Variants in CHST11 observed in about 807,000 individuals in gnomAD.
CHST11 encodes the protein C4S-1.
Under a neutral mutation model 30.4 loss-of-function variants are expected in CHST11, and 9 were observed. The ratio of observed to expected loss-of-function variants is 0.30; its 90% CI spans 0.18 to 0.52. CHST11 has a LOEUF of 0.52. Ranked by LOEUF, CHST11 falls within the 20% of genes least tolerant of loss-of-function variation. CHST11 has a pLI of 0.97. For synonymous variants in CHST11, 152 were observed against 187.8 expected (o/e 0.81, Z 1.56); for missense variants, 348 against 460.6 (o/e 0.76, Z 2.24).
intron 1 of CHST11, among the ~76,000 whole-genome samples, chr12:104,589,546 GT>G (rs1382670854): frequency 3.3e-5 from 5 of 152,196 alleles, no homozygotes; most frequent in Non-Finnish European, 5.9e-5. Context: ...GAATGTGAAT[GT>G]ACTTAATGCC....
intron 1 of CHST11, among the ~76,000 whole-genome samples, chr12:104,558,414 T>G (rs552330924): frequency 6.6e-6 from 1 of 152,190 alleles, no homozygotes; most frequent in Non-Finnish European, 1.5e-5. Flanking sequence ...ATGATGTTCA[T>G]CTGAATTGTA....
intron 2 of CHST11, among the ~76,000 whole-genome samples, chr12:104,629,443 G>T (rs1237796005): frequency 6.6e-6 from 1 of 152,216 alleles, no homozygotes; most frequent in Non-Finnish European, 1.5e-5. Context: ...TTCAGAGAAG[G>T]TTAAGCCCTC....
Position 104,458,572 on chromosome 12 carries a change from C to A in CHST11, c.118+1043C>A, listed in dbSNP as rs1416334349. On this transcript the variant is annotated intron_variant, in intron 1 of 2. Transcript: ENST00000303694. This position sits in a 1 kb window ranked among gnomAD's most constrained non-coding sequence, Gnocchi z 5.7. Reference sequence around the variant, plus strand: ...CGGCTGCGAAGCCCAACAGGTAGAACGTTCCGAGAAGCCTTCCGGGTAACG... The same window carrying A: ...CGGCTGCGAAGCCCAACAGGTAGAAAGTTCCGAGAAGCCTTCCGGGTAACG... 6.6e-6 allele frequency among the ~76,000 whole-genome samples: 1 copy of A among 152,242 alleles called. No individual in the cohort carries two copies. Among genetic ancestry groups the A allele is most frequent in the African/African-American group, 2.4e-5 (1 of 41,478 alleles).
chr12:104,556,654 TCTTC>T (rs1267401056), intron 1 of CHST11, among the ~76,000 whole-genome samples: 1 of 152,212 alleles, frequency 6.6e-6, no homozygotes, highest in African/African-American at 2.4e-5. Context: ...CTTCACACTG[TCTTC>T]CTTCCATGTG....
intron 2 of CHST11, among the ~76,000 whole-genome samples, chr12:104,753,131 A>T (rs2040446899): frequency 6.6e-6 from 1 of 152,182 alleles, no homozygotes; most frequent in Non-Finnish European, 1.5e-5. Context: ...TTGGGCAGTC[A>T]CTTTGCCTGT....
chr12:104,599,794 G>A (rs2038941653), intron 1 of CHST11, among the ~76,000 whole-genome samples: 1 of 152,152 alleles, frequency 6.6e-6, no homozygotes, highest in Non-Finnish European at 1.5e-5. Flanking sequence ...GCAAGGGTTG[G>A]CAAACTCTAG....
At chr12:104,626,111 G>A (rs1048164726) in intron 2 of CHST11, among the ~76,000 whole-genome samples, 4 of 152,062 alleles carry the variant, frequency 2.6e-5, no homozygotes, top group African/African-American at 7.2e-5. Flanking sequence ...CCTAAAACAC[G>A]GAGTCTTATT....
intron 1 of CHST11, among the ~76,000 whole-genome samples, chr12:104,598,410 A>T (rs1436556955): frequency 6.6e-6 from 1 of 152,176 alleles, no homozygotes. Flanking sequence ...GTGTCTTCTG[A>T]GGTAGATGGA....
At position 104,488,746 on chromosome 12, in the gene CHST11, T is replaced by C. The variant is rs201568604; in HGVS notation, c.118+31217T>C. 0.013 allele frequency among the ~76,000 whole-genome samples: 1,727 copies of C among 135,226 alleles called. 55 individuals carry two copies. The East Asian group carries it at 0.14, about 11-fold the overall frequency. 88.7% of individuals were successfully genotyped at this position (135,226 alleles called of 152,430 possible). ...GTATGTGTGTATGTGTACGCGTGTG[T>C]GTGTGTGTGTGTGTGTGTGTGTGTG... On this transcript the variant is annotated intron_variant, in intron 1 of 2. Coordinates refer to ENST00000303694, the MANE Select transcript of CHST11 (RefSeq NM_018413.6).
At chr12:104,533,275 C>G (rs1398408765) in intron 1 of CHST11, among the ~76,000 whole-genome samples, 1 of 152,152 alleles carries the variant, frequency 6.6e-6, no homozygotes, top group Non-Finnish European at 1.5e-5. Context: ...AGCCAGGGAG[C>G]CCTGGGTTGG....
rs563137350 is a variant in CHST11, at chr12:104,477,333, C to T, written c.118+19804C>T. ...AACCCAGCTAGTAGTTGGTGGAGCT[C>T]GGATGCCCTGGCTCATCTGACTCAA... On this transcript the variant is annotated intron_variant, in intron 1 of 2. Transcript: ENST00000303694. Among the ~76,000 whole-genome samples, 10 of 152,248 alleles carry T rather than the reference C, an allele frequency of 6.6e-5. No homozygotes were observed. The South Asian group carries it at 1.2e-3, about 19-fold the overall frequency.
chr12:104,644,505 C>T (rs555307095), intron 2 of CHST11, among the ~76,000 whole-genome samples: 1 of 152,362 alleles, frequency 6.6e-6, no homozygotes, highest in East Asian at 1.9e-4. Flanking sequence ...AAAGACACAC[C>T]TGGGCTCCCT....
chr12:104,496,898 GA>G (rs2037803172), intron 1 of CHST11, among the ~76,000 whole-genome samples: 1 of 152,204 alleles, frequency 6.6e-6, no homozygotes, highest in African/African-American at 2.4e-5. Context: ...AGGTGGGGAA[GA>G]GGGGCCTGCT....
At chr12:104,591,889 T>C (rs1045792318) in intron 1 of CHST11, among the ~76,000 whole-genome samples, 3 of 152,018 alleles carry the variant, frequency 2.0e-5, no homozygotes, top group African/African-American at 7.2e-5. Flanking sequence ...GTTTTCTATA[T>C]ATATTTGTAT....
chr12:104,654,573 G>C (rs1219157561), intron 2 of CHST11, among the ~76,000 whole-genome samples: 1 of 152,130 alleles, frequency 6.6e-6, no homozygotes, highest in East Asian at 1.9e-4. Context: ...TCCAGAGGAG[G>C]AGTCCACCTG....
chr12:104,461,315 C>T (rs778617946), intron 1 of CHST11, among the ~76,000 whole-genome samples: 6 of 152,190 alleles, frequency 3.9e-5, no homozygotes, highest in African/African-American at 1.4e-4. Context: ...AGAACAGACA[C>T]CTTCTATGGC....
At chr12:104,612,778 T>C (rs1188442449) in intron 2 of CHST11, among the ~76,000 whole-genome samples, 3 of 152,212 alleles carry the variant, frequency 2.0e-5, no homozygotes, top group Non-Finnish European at 4.4e-5. Flanking sequence ...GAAAACAGTA[T>C]GGAGGTTCTC....
Position 104,631,051 on chromosome 12 carries a change from C to T in CHST11, c.204+29060C>T, listed in dbSNP as rs78740464. 7.3e-4 allele frequency among the ~76,000 whole-genome samples: 111 copies of T among 152,278 alleles called. 1 individual carries two copies. Among genetic ancestry groups the T allele is most frequent in the African/African-American group, 2.4e-3 (100 of 41,552 alleles). On this transcript the variant is annotated intron_variant, in intron 2 of 2. Coordinates refer to ENST00000303694, the MANE Select transcript of CHST11 (RefSeq NM_018413.6). Reference sequence around the variant, plus strand: ...GAGGCCCGCCTGGGAATTTGCCCCACGAAGTGTGCGTTTTGCTGGAGAGGA... The same window carrying T: ...GAGGCCCGCCTGGGAATTTGCCCCATGAAGTGTGCGTTTTGCTGGAGAGGA...
intron 1 of CHST11, among the ~76,000 whole-genome samples, chr12:104,521,517 C>T: frequency 6.6e-6 from 1 of 152,048 alleles, no homozygotes; most frequent in East Asian, 1.9e-4. Flanking sequence ...AATGACTTGC[C>T]CAAGAATACA....
Sources: allele counts gnomAD v4.1 joint callset (sites outside exome capture counted in the v4.1 genomes callset), GRCh38; gene constraint gnomAD v4.1.1; non-coding constraint Gnocchi (gnomAD v3.1); transcripts MANE v1.5; gene names NCBI Gene and HGNC (gene_info 2026-07-23, HGNC 2026-07-21).